Variants in MDGA2 observed in about 807,000 individuals in gnomAD.
MDGA2 encodes MAM domain-containing glycosylphosphatidylinositol anchor protein 2.
MDGA2 carries 40 observed loss-of-function variants against 117.8 expected under a neutral mutation model. The ratio of observed to expected loss-of-function variants is 0.34; its 90% CI spans 0.26 to 0.44. MDGA2 has a LOEUF of 0.44. Among genes scored for constraint, MDGA2 ranks in the 20% least tolerant of loss-of-function variants. MDGA2 has a pLI of 1.00. For missense variants in MDGA2, 1,123 were observed against 1,250.6 expected (o/e 0.90, Z 1.54); for synonymous variants, 452 against 439.0 (o/e 1.03, Z -0.37).
chr14:47,410,735 C>A (rs1312891993), intron 1 of MDGA2, among the ~76,000 whole-genome samples: 1 of 152,020 alleles, frequency 6.6e-6, no homozygotes, highest in African/African-American at 2.4e-5. Context: ...TGTAAATCAG[C>A]CTATTGCTTT....
chr14:47,325,892 G>A (rs1353775976), intron 1 of MDGA2, among the ~76,000 whole-genome samples: 1 of 152,154 alleles, frequency 6.6e-6, no homozygotes, highest in Non-Finnish European at 1.5e-5. Context: ...TGAACTGAAA[G>A]AAAGATGCAT....
At chr14:47,624,857 C>T (rs1222392852) in intron 1 of MDGA2, among the ~76,000 whole-genome samples, 1 of 152,178 alleles carries the variant, frequency 6.6e-6, no homozygotes, top group Non-Finnish European at 1.5e-5. Context: ...CCCCATTAAA[C>T]TCTGCAAATG....
At chr14:47,522,342 T>C (rs139403608) in intron 1 of MDGA2, among the ~76,000 whole-genome samples, 2 of 113,916 alleles carry the variant, frequency 1.8e-5, no homozygotes, top group African/African-American at 6.3e-5. Context: ...TGTGTGTATA[T>C]ATGTATATAT....
intron 1 of MDGA2, among the ~76,000 whole-genome samples, chr14:47,599,401 A>G (rs993171416): frequency 1.3e-5 from 2 of 152,132 alleles, no homozygotes; most frequent in South Asian, 4.1e-4. Context: ...AAAAGGCAAT[A>G]TATGGAACTC....
chr14:47,060,320 A>C (rs935105956), intron 7 of MDGA2, among the ~76,000 whole-genome samples: 4 of 152,120 alleles, frequency 2.6e-5, no homozygotes, highest in African/African-American at 9.7e-5. Flanking sequence ...TGTTCACTGC[A>C]ATTTGGAACC....
intron 14 of MDGA2, among the ~76,000 whole-genome samples, chr14:46,860,745 C>T (rs944914286): frequency 8.9e-5 from 2 of 22,368 alleles, no homozygotes; most frequent in Non-Finnish European, 1.5e-4. Context: ...TCACAGAATT[C>T]TCCTTTATAT....
intron 5 of MDGA2, among the ~76,000 whole-genome samples, chr14:47,124,275 A>T (rs1045313926): frequency 6.6e-6 from 1 of 152,112 alleles, no homozygotes; most frequent in African/African-American, 2.4e-5. Context: ...TCCCTGCTGT[A>T]ATCTTTTGAC....
intron 1 of MDGA2, among the ~76,000 whole-genome samples, chr14:47,591,762 A>G (rs1303846425): frequency 6.6e-6 from 1 of 152,168 alleles, no homozygotes; most frequent in African/African-American, 2.4e-5. Context: ...TCAATAAACT[A>G]GGCATTGATG....
chr14:46,930,010 GCTC>G (rs1302081243), intron 9 of MDGA2, among the ~76,000 whole-genome samples: 3 of 151,508 alleles, frequency 2.0e-5, no homozygotes, highest in East Asian at 3.9e-4. Context: ...GGTTATTTGT[GCTC>G]CTATTTTTAT....
At chr14:46,987,693 C>T (rs1886911956) in intron 8 of MDGA2, among the ~76,000 whole-genome samples, 1 of 151,244 alleles carries the variant, frequency 6.6e-6, no homozygotes, top group African/African-American at 2.4e-5. Flanking sequence ...ACAATGCCTC[C>T]CTGATCTTGA....
intron 3 of MDGA2, among the ~76,000 whole-genome samples, chr14:47,152,286 G>A (rs1226509705): frequency 1.3e-5 from 2 of 152,010 alleles, no homozygotes; most frequent in Non-Finnish European, 2.9e-5. Context: ...TTATCTACTT[G>A]CCCAGTTTTA....
chr14:47,506,299 A>G (rs1410485414), intron 1 of MDGA2, among the ~76,000 whole-genome samples: 1 of 152,058 alleles, frequency 6.6e-6, no homozygotes, highest in African/African-American at 2.4e-5. Context: ...AAAAACAGCT[A>G]ATTTTCCTCT....
At chr14:47,555,540 T>A (rs1336023860) in intron 1 of MDGA2, among the ~76,000 whole-genome samples, 2 of 152,126 alleles carry the variant, frequency 1.3e-5, no homozygotes, top group Non-Finnish European at 1.5e-5. Flanking sequence ...TCATCCCATA[T>A]CCTCAGAAGG....
At chr14:46,888,441 T>C (rs1333698222) in intron 10 of MDGA2, among the ~76,000 whole-genome samples, 1 of 151,934 alleles carries the variant, frequency 6.6e-6, no homozygotes, top group Non-Finnish European at 1.5e-5. Flanking sequence ...ATTTTTTCTT[T>C]TATCCCCAGG....
chr14:47,450,138 GT>G lies in MDGA2; in HGVS notation c.281-148589del, dbSNP rs909040316. ...TCTTAATATCTATCTTCATTTGAAG[GT>G]TTTTTTTAGTACAGATAGCTTTTTA... On this transcript the variant is annotated intron_variant, in intron 1 of 16. Coordinates refer to ENST00000399232, the MANE Select transcript of MDGA2 (RefSeq NM_001113498.3). Among the ~76,000 whole-genome samples, 201 of 151,680 alleles carry G rather than the reference GT, an allele frequency of 1.3e-3. 3 individuals are homozygous for G. Among genetic ancestry groups the G allele is most frequent in the Non-Finnish European group, 8.8e-4 (60 of 67,856 alleles).
chr14:47,150,832 G>A (rs1048769434), intron 3 of MDGA2, among the ~76,000 whole-genome samples: 14 of 151,046 alleles, frequency 9.3e-5, no homozygotes, highest in South Asian at 2.1e-4. Context: ...GCTGAGGCAT[G>A]AGAATCGCTT....
At chr14:46,971,120 G>A (rs1461557247) in intron 8 of MDGA2, among the ~76,000 whole-genome samples, 1 of 152,034 alleles carries the variant, frequency 6.6e-6, no homozygotes, top group Admixed American at 6.6e-5. Context: ...TAGTGGGCAA[G>A]TAAATTAGTA....
At chr14:47,447,656 C>T (rs1007085021) in intron 1 of MDGA2, among the ~76,000 whole-genome samples, 6 of 152,106 alleles carry the variant, frequency 3.9e-5, no homozygotes, top group Non-Finnish European at 2.9e-5. Context: ...GCAAAATTCT[C>T]GTTAAGTTCA....
intron 8 of MDGA2, among the ~76,000 whole-genome samples, chr14:46,997,570 G>C (rs1441565868): frequency 6.6e-6 from 1 of 152,024 alleles, no homozygotes; most frequent in Non-Finnish European, 1.5e-5. Context: ...TAAAGAGCTA[G>C]CTAAGAAACC....
Sources: allele counts gnomAD v4.1 joint callset (sites outside exome capture counted in the v4.1 genomes callset), GRCh38; gene constraint gnomAD v4.1.1; transcripts MANE v1.5; gene names NCBI Gene and HGNC (gene_info 2026-07-23, HGNC 2026-07-21).